CSF2RB: variants seen among roughly 807,000 people sequenced by gnomAD.
The protein encoded by CSF2RB is colony stimulating factor 2 receptor subunit beta.
A neutral mutation model predicts 67.2 loss-of-function variants in CSF2RB; 22 were observed. The ratio of observed to expected loss-of-function variants is 0.33; its 90% CI spans 0.23 to 0.47. CSF2RB has a LOEUF of 0.47. Among genes scored for constraint, CSF2RB ranks in the 20% least tolerant of loss-of-function variants. The pLI is 1.00. For synonymous variants in CSF2RB, 507 were observed against 482.9 expected (o/e 1.05, Z -0.65); for missense variants, 1,113 against 1,174.5 (o/e 0.95, Z 0.76).
chr22:36,926,314 G>A, intron 4 of CSF2RB, 137 bp downstream of exon 4: 1 of 858,122 alleles, frequency 1.2e-6, no homozygotes, highest in Non-Finnish European at 1.8e-6. Context: ...ATGAGGGTAT[G>A]GTCTGGTTAC....
intron 4 of CSF2RB, among the ~76,000 whole-genome samples, chr22:36,927,953 G>A (rs527648568): frequency 6.6e-6 from 1 of 152,306 alleles, no homozygotes; most frequent in Non-Finnish European, 1.5e-5. Flanking sequence ...CAACGAAGCA[G>A]TCAACAAACC....
rs1158856531 is a variant in CSF2RB, at chr22:36,937,924, G to A, written c.2116G>A (p.Gly706Arg). Residue 706 changes from glycine (G) to arginine (R), a missense_variant, in exon 14 of 14, where the codon GGA (glycine) becomes AGA (arginine). By Grantham distance (125) the Gly-to-Arg change is moderately radical (BLOSUM62 -2). Coordinates refer to ENST00000403662, the MANE Select transcript of CSF2RB (RefSeq NM_000395.3). The surrounding 1 kb of genome is among the most constrained non-coding windows in gnomAD (Gnocchi z 4.6). Reference sequence around the variant, plus strand: ...GAGCTCTGGGGACACTGAGGACCCTGGAGTGGCCTCTGGTTATGTCTCCTC... The same window carrying A: ...GAGCTCTGGGGACACTGAGGACCCTAGAGTGGCCTCTGGTTATGTCTCCTC... ...PMSSGDTEDP[G>R]VASGYVSSAD... 6.2e-7 allele frequency: 1 copy of A among 1,614,142 alleles called. No homozygotes were observed. Among genetic ancestry groups the A allele is most frequent in the South Asian group, 1.1e-5 (1 of 91,088 alleles).
At chr22:36,922,683 C>A in intron 2 of CSF2RB, 1 of 353,000 alleles carries the variant, frequency 2.8e-6, no homozygotes, top group Non-Finnish European at 5.4e-6. Flanking sequence ...GCCGCTAGCA[C>A]CCTCCTTGTG....
chr22:36,929,641 C>T lies in CSF2RB; in HGVS notation c.552C>T (p.Asp184=), dbSNP rs765484350. 2.2e-5 allele frequency: 36 copies of T among 1,614,104 alleles called. No homozygotes were observed. Among genetic ancestry groups the T allele is most frequent in the South Asian group, 5.5e-5 (5 of 91,092 alleles). The change falls in exon 6 of 14, where the codon GAC becomes GAT. Residue 184 remains aspartate, a splice_region_variant and synonymous_variant. Transcript: ENST00000403662. The stretch of plus-strand genomic sequence containing the variant: ...CAGCACCCACTGTCTCCTGACAGGA[C>T]GCAGCCATCCTCCTCTCCAACACCT... ...VYKRLQDSWE[D]AAILLSNTSQ...
intron 10 of CSF2RB, among the ~76,000 whole-genome samples, chr22:36,935,084 T>C (rs1178483027): frequency 6.6e-6 from 1 of 152,178 alleles, no homozygotes; most frequent in East Asian, 1.9e-4. Context: ...TTGCCCTCCC[T>C]GTAGCACCTC....
chr22:36,921,903 T>G, intron 1 of CSF2RB, 133 bp from the exon 2 acceptor site: 1 of 523,526 alleles, frequency 1.9e-6, no homozygotes, highest in Non-Finnish European at 3.5e-6. Flanking sequence ...GCATGTCCAT[T>G]GCCTTCATGC....
At chr22:36,925,933 C>T (rs1275304381) in intron 3 of CSF2RB, 54 bp from the exon 4 acceptor site, 5 of 1,591,850 alleles carry the variant, frequency 3.1e-6, no homozygotes, top group South Asian at 1.1e-5. Context: ...AGGAACCTTT[C>T]GTGAGTCAGT....
chr22:36,939,672 T>C lies in CSF2RB; in HGVS notation c.*1170T>C, dbSNP rs1004260844. On this transcript the variant is annotated 3_prime_UTR_variant, in exon 14 of 14. Coordinates refer to ENST00000403662, the MANE Select transcript of CSF2RB (RefSeq NM_000395.3). Reference sequence around the variant, plus strand: ...GCCAAGCCCATTAAGGTCTTTCTTCTGTTGGGTGCTATCATTTTCTGATTA... The same window carrying C: ...GCCAAGCCCATTAAGGTCTTTCTTCCGTTGGGTGCTATCATTTTCTGATTA... The C allele has an allele frequency of 5.6e-6, 1 of 178,178 alleles. No individual in the cohort carries two copies. Among genetic ancestry groups the C allele is most frequent in the Non-Finnish European group, 1.2e-5 (1 of 81,892 alleles). 11.0% of individuals were successfully genotyped at this position (178,178 alleles called of 1,614,324 possible). A position where few individuals can be genotyped will look rare whatever the true frequency, so the allele number is the denominator to read the frequency against.
rs1217309035 is a variant in CSF2RB, at chr22:36,938,645, G to A, written c.*143G>A. 6 of 857,594 alleles carry A rather than the reference G, an allele frequency of 7.0e-6. No homozygotes were observed. The highest frequency in any genetic ancestry group is 3.5e-4 in the Middle Eastern group (1 of 2,828). The allele number at this position is 857,594 out of a possible 1,614,324, so 53.1% of individuals were successfully genotyped here. On this transcript the variant is annotated 3_prime_UTR_variant, in exon 14 of 14. Transcript: ENST00000403662. ...CTGGGAAAGGAGATAGCCTTGCTCC[G>A]GCCCCCTTGACCTTCAGCAAATCAC... is the stretch of plus-strand genomic sequence containing the variant.
intron 10 of CSF2RB, among the ~76,000 whole-genome samples, chr22:36,934,870 G>A (rs1472647409): frequency 6.6e-6 from 1 of 152,220 alleles, no homozygotes; most frequent in African/African-American, 2.4e-5. Context: ...GAGGAAGAGG[G>A]GAGTCCTGGA....
At chr22:36,922,353 G>C (rs1940897299) in intron 2 of CSF2RB, 70 bp downstream of exon 2, 2 of 1,441,492 alleles carry the variant, frequency 1.4e-6, no homozygotes, top group African/African-American at 2.8e-5. Context: ...GAGGGCCGCA[G>C]CGTATCCTCA....
intron 1 of CSF2RB, among the ~76,000 whole-genome samples, chr22:36,918,168 T>G (rs973591258): frequency 1.2e-4 from 19 of 152,180 alleles, no homozygotes; most frequent in Non-Finnish European, 7.4e-5. Context: ...TCAGCTTTCT[T>G]GGATTTTTTT....
chr22:36,920,598 G>C (rs527334840), intron 1 of CSF2RB, among the ~76,000 whole-genome samples: 1 of 152,182 alleles, frequency 6.6e-6, no homozygotes, highest in African/African-American at 2.4e-5. Context: ...GAGTACATTG[G>C]TGCAAAGATT....
intron 2 of CSF2RB, among the ~76,000 whole-genome samples, chr22:36,922,982 C>A (rs1940914450): frequency 6.6e-6 from 1 of 152,102 alleles, no homozygotes; most frequent in African/African-American, 2.4e-5. Flanking sequence ...GGGGACCGTG[C>A]CCAGGAACAG....
In CSF2RB at chr22:36,930,714, G is replaced by T. The variant is rs1224844725; in HGVS notation, c.896G>T (p.Ser299Ile). Reference protein sequence around the residue: ...CSPVLREGLGSLHTRHHCQIP... With the variant: ...CSPVLREGLGILHTRHHCQIP... ...CCAGTGCTGAGGGAGGGGCTCGGCA[G>T]CCTCCACACCAGGCACCACTGCCAG... is the stretch of plus-strand genomic sequence containing the variant. Residue 299 changes from serine (S) to isoleucine (I), a missense_variant, in exon 8 of 14, where the codon AGC (serine) becomes ATC (isoleucine). Ser to Ile is a moderately radical substitution (Grantham distance 142, BLOSUM62 -2). This residue lies in a region of CSF2RB where 559 missense variants were observed against 656.5 expected (regional missense o/e 0.85). Coordinates refer to ENST00000403662, the MANE Select transcript of CSF2RB (RefSeq NM_000395.3). 1.9e-6 allele frequency: 3 copies of T among 1,613,276 alleles called. No homozygotes were observed.
Position 36,939,199 on chromosome 22 carries a change from T to C in CSF2RB, c.*697T>C, listed in dbSNP as rs1429343200. On this transcript the variant is annotated 3_prime_UTR_variant, in exon 14 of 14. Transcript: ENST00000403662. Reference sequence around the variant, plus strand: ...AGCTTCTGGGGAGCCCTGCTAGTTGTCTCAGTGATGTCTGTGGGACCTCCA... The same window carrying C: ...AGCTTCTGGGGAGCCCTGCTAGTTGCCTCAGTGATGTCTGTGGGACCTCCA... The C allele has an allele frequency of 5.7e-6, 4 of 702,280 alleles. No homozygotes were observed. The Admixed American group carries it at 8.0e-5, about 14-fold the overall frequency. The allele number at this position is 702,280 out of a possible 1,614,324, so 43.5% of individuals were successfully genotyped here. A position where few individuals can be genotyped will look rare whatever the true frequency, so the allele number is the denominator to read the frequency against.
intron 3 of CSF2RB, among the ~76,000 whole-genome samples, chr22:36,924,077 AC>A (rs1352796734): frequency 6.6e-6 from 1 of 151,994 alleles, no homozygotes; most frequent in Non-Finnish European, 1.5e-5. Context: ...ATTGGAGGTC[AC>A]CCCAGCGTTG....
At position 36,938,578 on chromosome 22, in the gene CSF2RB, T is replaced by C; in HGVS notation, c.*76T>C. ...CCGCCTGACCTTCCTCAGTCATTTC[T>C]GCAAAGCCAAGGGGCAGCCTCCTGT... On this transcript the variant is annotated 3_prime_UTR_variant, in exon 14 of 14. Coordinates refer to ENST00000403662, the MANE Select transcript of CSF2RB (RefSeq NM_000395.3). 1 of 1,488,826 alleles carries C rather than the reference T, an allele frequency of 6.7e-7. No individual in the cohort carries two copies. The highest frequency in any genetic ancestry group is 9.0e-7 in the Non-Finnish European group (1 of 1,108,686). 92.2% of individuals were successfully genotyped at this position (1,488,826 alleles called of 1,614,324 possible).
chr22:36,917,872 G>A (rs1294549946), intron 1 of CSF2RB, among the ~76,000 whole-genome samples: 1 of 151,888 alleles, frequency 6.6e-6, no homozygotes, highest in Non-Finnish European at 1.5e-5. Flanking sequence ...GCAGTGAGCC[G>A]AGATCATGCC....
Sources: allele counts gnomAD v4.1 joint callset (sites outside exome capture counted in the v4.1 genomes callset), GRCh38; gene constraint gnomAD v4.1.1; regional missense constraint gnomAD v4.1.1; non-coding constraint Gnocchi (gnomAD v3.1); transcripts MANE v1.5; gene names NCBI Gene and HGNC (gene_info 2026-07-23, HGNC 2026-07-21).